Variants in FHIT observed in about 807,000 individuals in gnomAD.
FHIT encodes the protein fragile histidine triad diadenosine triphosphatase.
In FHIT, 19 loss-of-function variants were observed where a neutral mutation model predicts 17.9. The observed-to-expected ratio is 1.06, with a 90% CI of 0.74 to 1.56. The LOEUF is 1.56. Ranked by LOEUF, FHIT falls within the 40% of genes most tolerant of loss-of-function variation. FHIT has a pLI of 0.00. For missense variants in FHIT, 248 were observed against 189.2 expected, an observed-to-expected ratio of 1.31 and a Z score of -1.82; for synonymous variants, 81 against 69.7, an observed-to-expected ratio of 1.16 and a Z score of -0.81.
intron 5 of FHIT, among the ~76,000 whole-genome samples, chr3:60,247,974 G>C (rs9844975): frequency 6.6e-6 from 1 of 152,092 alleles, no homozygotes; most frequent in Non-Finnish European, 1.5e-5. Flanking sequence ...TGGAGCCTTC[G>C]AGGAGAAAAC....
chr3:61,137,351 TACCC>T (rs949823322), intron 2 of FHIT, among the ~76,000 whole-genome samples: 1 of 147,182 alleles, frequency 6.8e-6, no homozygotes, highest in African/African-American at 2.5e-5. Flanking sequence ...GGCTAAATCC[TACCC>T]ATTCTTCAAA....
At chr3:60,892,555 C>T (rs903380764) in intron 3 of FHIT, among the ~76,000 whole-genome samples, 20 of 152,168 alleles carry the variant, frequency 1.3e-4, no homozygotes, top group Admixed American at 5.2e-4. Context: ...TGCTCAGCAC[C>T]TTCTTAGGAC....
At chr3:60,458,184 A>C (rs1450860993) in intron 5 of FHIT, among the ~76,000 whole-genome samples, 1 of 152,178 alleles carries the variant, frequency 6.6e-6, no homozygotes, top group Non-Finnish European at 1.5e-5. Flanking sequence ...GAACCAACCC[A>C]AATGTCCATC....
At chr3:60,647,137 G>A (rs1291062992) in intron 4 of FHIT, among the ~76,000 whole-genome samples, 13 of 152,134 alleles carry the variant, frequency 8.5e-5, no homozygotes, top group African/African-American at 2.2e-4. Context: ...ATGAACACTA[G>A]GAAAACATAT....
At chr3:60,329,853 T>C (rs1338276452) in intron 5 of FHIT, among the ~76,000 whole-genome samples, 1 of 152,198 alleles carries the variant, frequency 6.6e-6, no homozygotes, top group African/African-American at 2.4e-5. Flanking sequence ...TAGTGAACAA[T>C]TTATATGTGT....
chr3:59,984,762 C>T (rs944155126), intron 7 of FHIT, among the ~76,000 whole-genome samples: 1 of 152,050 alleles, frequency 6.6e-6, no homozygotes, highest in Admixed American at 6.6e-5. Context: ...AGATGATGGG[C>T]ATACACTGAG....
chr3:60,501,998 G>A (rs1358970397), intron 5 of FHIT, among the ~76,000 whole-genome samples: 1 of 152,200 alleles, frequency 6.6e-6, no homozygotes, highest in Admixed American at 6.5e-5. Context: ...CCATGACTGA[G>A]AGACCGACGA....
chr3:60,433,312 A>T (rs1189871021), intron 5 of FHIT, among the ~76,000 whole-genome samples: 1 of 152,006 alleles, frequency 6.6e-6, no homozygotes, highest in Non-Finnish European at 1.5e-5. Flanking sequence ...TTCTTTATAT[A>T]TCCATCTGTG....
At chr3:60,540,144 G>A (rs2036138934) in intron 4 of FHIT, among the ~76,000 whole-genome samples, 2 of 152,024 alleles carry the variant, frequency 1.3e-5, no homozygotes, top group African/African-American at 4.8e-5. Context: ...AAACCCAGAA[G>A]AACAGGTTTA....
chr3:60,032,862 T>G (rs562456151), intron 5 of FHIT, among the ~76,000 whole-genome samples: 1 of 152,204 alleles, frequency 6.6e-6, no homozygotes, highest in Non-Finnish European at 1.5e-5. Flanking sequence ...TTTACTTAAG[T>G]GTATAATCAG....
chr3:60,441,201 A>G lies in FHIT; in HGVS notation c.103+95659T>C, dbSNP rs534618095. ...GAAGGGACCTAATTCTGAATGATTC[A>G]CCAATATTCGATGAATCACTGATGA... On this transcript the variant is annotated intron_variant, in intron 5 of 9. Coordinates refer to ENST00000492590, the MANE Select transcript of FHIT (RefSeq NM_002012.4). Among the ~76,000 whole-genome samples the G allele has an allele frequency of 2.8e-4, 42 of 152,252 alleles. 1 individual carries two copies. Among genetic ancestry groups the G allele is most frequent in the African/African-American group, 9.9e-4 (41 of 41,582 alleles).
intron 5 of FHIT, among the ~76,000 whole-genome samples, chr3:60,531,546 G>C (rs1005455958): frequency 1.3e-5 from 2 of 152,078 alleles, no homozygotes; most frequent in Non-Finnish European, 2.9e-5. Flanking sequence ...CCAAAGTGCT[G>C]GGATTACAGG....
intron 4 of FHIT, among the ~76,000 whole-genome samples, chr3:60,767,424 C>T (rs74720804): frequency 0.027 from 4,156 of 152,102 alleles, 63 homozygotes; most frequent in Non-Finnish European, 0.039. Flanking sequence ...CTTATATTTC[C>T]CATTTTCCTC....
intron 7 of FHIT, among the ~76,000 whole-genome samples, chr3:59,935,307 A>G (rs1023790377): frequency 1.3e-5 from 2 of 152,154 alleles, no homozygotes; most frequent in South Asian, 2.1e-4. Flanking sequence ...AGTTTATAGT[A>G]CATGTGCTTG....
At chr3:60,253,058 T>C (rs1705808117) in intron 5 of FHIT, among the ~76,000 whole-genome samples, 1 of 152,040 alleles carries the variant, frequency 6.6e-6, no homozygotes, top group Non-Finnish European at 1.5e-5. Context: ...AAAAACACTG[T>C]GGCCTCATCG....
chr3:60,932,859 T>C (rs1454998208), intron 3 of FHIT, among the ~76,000 whole-genome samples: 2 of 152,126 alleles, frequency 1.3e-5, no homozygotes, highest in African/African-American at 4.8e-5. Flanking sequence ...TTCCCTTTCA[T>C]CTACCCACAA....
chr3:61,125,481 T>C (rs923568739), intron 2 of FHIT, among the ~76,000 whole-genome samples: 65 of 152,348 alleles, frequency 4.3e-4, no homozygotes, highest in African/African-American at 1.4e-3. Flanking sequence ...AAAAAGTTCA[T>C]AAATAACCTG....
intron 4 of FHIT, among the ~76,000 whole-genome samples, chr3:60,568,993 C>A (rs2037242201): frequency 6.9e-6 from 1 of 144,670 alleles, no homozygotes; most frequent in South Asian, 2.2e-4. Context: ...TTTTTTTTTC[C>A]TTTCAAAAAT....
At chr3:60,346,676 G>T (rs1045696681) in intron 5 of FHIT, among the ~76,000 whole-genome samples, 1 of 152,268 alleles carries the variant, frequency 6.6e-6, no homozygotes, top group East Asian at 1.9e-4. Flanking sequence ...GGTGTGACAA[G>T]AACCCAGTTT....
Sources: allele counts gnomAD v4.1 joint callset (sites outside exome capture counted in the v4.1 genomes callset), GRCh38; gene constraint gnomAD v4.1.1; transcripts MANE v1.5; gene names NCBI Gene and HGNC (gene_info 2026-07-23, HGNC 2026-07-21).